The following EXOC3L2 variants were observed in gnomAD, a reference collection of about 807,000 sequenced individuals.
EXOC3L2 encodes exocyst complex component 3 like 2, also known as exocyst complex component 3-like protein 2.
In EXOC3L2, 17 loss-of-function variants were observed where a neutral mutation model predicts 44.4. That is an observed-to-expected ratio of 0.38 (90% CI 0.26 to 0.57). The LOEUF (loss-of-function observed/expected upper bound fraction) is 0.57. EXOC3L2 is among the 20% of genes least tolerant of loss of function. The probability of loss-of-function intolerance (pLI) is 0.65; values close to 1 mark genes in which losing one functional copy is unlikely to be tolerated. For missense variants in EXOC3L2, 541 were observed against 588.4 expected, an observed-to-expected ratio of 0.92 and a Z score of 0.83; for synonymous variants, 256 against 253.7, an observed-to-expected ratio of 1.01 and a Z score of -0.09.
chr19:45,240,285 T>TAA (rs1342584956), intron 1 of EXOC3L2, among the ~76,000 whole-genome samples: 111 of 148,744 alleles, frequency 7.5e-4, no homozygotes, highest in South Asian at 1.5e-3. Flanking sequence ...ATTAATTAAT[T>TAA]TATTTATTTA....
Position 45,216,091 on chromosome 19 carries a change from C to A in EXOC3L2, c.2102G>T (p.Arg701Leu), listed in dbSNP as rs777339452. 1.2e-6 allele frequency: 2 copies of A among 1,613,846 alleles called. No homozygotes were observed. The highest frequency in any genetic ancestry group is 1.7e-6 in the Non-Finnish European group (2 of 1,179,926). ...GTCTCACCTGATGTCTGGGTAGTCG[C>A]GCACCAACACTCCCACCTCCACCTG... ...SIQVEVGVLVRDYPDIRQKHV... is the reference protein window; with the variant it reads ...SIQVEVGVLVLDYPDIRQKHV... Residue 701 changes from arginine to leucine, a missense_variant, in exon 11 of 12, where the codon CGC becomes CTC. By Grantham distance (102) the Arg-to-Leu change is moderately radical (BLOSUM62 -2). Transcript: ENST00000413988.
At chr19:45,244,481 C>T (rs1032506046) in intron 1 of EXOC3L2, among the ~76,000 whole-genome samples, 1 of 152,280 alleles carries the variant, frequency 6.6e-6, no homozygotes, top group Middle Eastern at 3.4e-3. Context: ...CTTTCCCCTT[C>T]CTGGCTCCAA....
rs550683676 is a variant in EXOC3L2, at chr19:45,234,862, G to C, written c.524-36C>G. ...AAAGCGGGAGGTCAGCAGTGCGCGG[G>C]GGGGAGGAGGGCGATGCCGGACGCG... On this transcript the variant is annotated intron_variant, in intron 2 of 11. Transcript: ENST00000413988. The surrounding 1 kb of genome is among the most constrained non-coding windows in gnomAD (Gnocchi z 5.0). The C allele has an allele frequency of 1.5e-4, 60 of 389,734 alleles. No individual in the cohort carries two copies. Among genetic ancestry groups the C allele is most frequent in the Middle Eastern group, 1.3e-3 (2 of 1,546 alleles). The allele number at this position is 389,734 out of a possible 1,614,324, so 24.1% of individuals were successfully genotyped here.
At chr19:45,217,443 C>T in intron 10 of EXOC3L2, 85 bp downstream of exon 10, 1 of 1,409,722 alleles carries the variant, frequency 7.1e-7, no homozygotes, top group Non-Finnish European at 9.3e-7. Flanking sequence ...TGCCCCTCTC[C>T]CCCTGGCTTT....
At chr19:45,242,861 CAAAAA>C (rs56175442) in intron 1 of EXOC3L2, among the ~76,000 whole-genome samples, 38 of 85,590 alleles carry the variant, frequency 4.4e-4, no homozygotes, top group South Asian at 1.2e-3. Flanking sequence ...AACTCCATCT[CAAAAA>C]AAAAAAAAAA....
intron 10 of EXOC3L2, 90 bp downstream of exon 10, chr19:45,217,438 C>T (rs1052753752): frequency 9.3e-6 from 13 of 1,398,558 alleles, no homozygotes; most frequent in African/African-American, 1.5e-5. Context: ...AGCTCTGCCC[C>T]TCTCCCCCTG....
rs1199777361 is a variant in EXOC3L2 at position 45,238,996 on chromosome 19, G to A, written c.50C>T (p.Ala17Val). 1.3e-5 allele frequency: 5 copies of A among 398,966 alleles called. No individual in the cohort carries two copies. The highest frequency in any genetic ancestry group is 2.2e-5 in the Non-Finnish European group (5 of 226,128). 24.7% of individuals were successfully genotyped at this position (398,966 alleles called of 1,614,324 possible). Reference protein sequence around the residue: ...LGVSDPKVPRAGTLPLRSSRN... With the variant: ...LGVSDPKVPRVGTLPLRSSRN... ...AGAGGACCTCAGGGGCAGGGTCCCCGCCCGGGGCACCTTAGGGTCTGACAC... is the reference window on the plus strand; with the variant it reads ...AGAGGACCTCAGGGGCAGGGTCCCCACCCGGGGCACCTTAGGGTCTGACAC... Residue 17 changes from alanine to valine, a missense_variant, in exon 2 of 12, where the codon GCG becomes GTG. By Grantham distance (64) the Ala-to-Val change is moderately conservative. Coordinates refer to ENST00000413988, the MANE Select transcript of EXOC3L2 (RefSeq NM_001382422.1). The surrounding 1 kb of genome is among the most constrained non-coding windows in gnomAD (Gnocchi z 5.5).
rs1052839336 is a variant in EXOC3L2 at position 45,234,365 on chromosome 19, C to T, written c.985G>A (p.Val329Met). ...GCGGGCGCCAGGCGGCCCCGCACCACGGCCATATCCTCCAGCAGCCGCGCC... is the reference window on the plus strand; with the variant it reads ...GCGGGCGCCAGGCGGCCCCGCACCATGGCCATATCCTCCAGCAGCCGCGCC... ...LRARLLEDMA[V>M]VRGRLAPAYP... The change falls in exon 3 of 12, where the codon GTG becomes ATG. Residue 329 changes from valine (V) to methionine (M), a missense_variant. Physicochemically the swap from Val to Met is conservative, Grantham distance 21. Transcript: ENST00000413988. The surrounding 1 kb of genome is among the most constrained non-coding windows in gnomAD (Gnocchi z 5.0). The T allele has an allele frequency of 2.0e-4, 69 of 348,804 alleles. No individual in the cohort carries two copies. The highest frequency in any genetic ancestry group is 1.4e-3 in the African/African-American group (65 of 46,446). 21.6% of individuals were successfully genotyped at this position (348,804 alleles called of 1,614,324 possible). A position where few individuals can be genotyped will look rare whatever the true frequency, so the allele number is the denominator to read the frequency against.
chr19:45,241,919 C>A (rs532269991), intron 1 of EXOC3L2, among the ~76,000 whole-genome samples: 2 of 152,324 alleles, frequency 1.3e-5, no homozygotes, highest in East Asian at 3.9e-4. Context: ...TCAGTCACCA[C>A]TGTGTCCCCA....
At position 45,238,670 on chromosome 19, in the gene EXOC3L2, C is replaced by T. The variant is rs1970104185; in HGVS notation, c.376G>A (p.Ala126Thr). 1.3e-5 allele frequency: 5 copies of T among 399,064 alleles called. No individual in the cohort carries two copies. The highest frequency in any genetic ancestry group is 6.2e-5 in the African/African-American group (3 of 48,634). The allele number at this position is 399,064 out of a possible 1,614,324, so 24.7% of individuals were successfully genotyped here. The change falls in exon 2 of 12, where the codon GCC (alanine) becomes ACC (threonine). Residue 126 changes from alanine to threonine, a missense_variant. Ala to Thr is a moderately conservative substitution (Grantham distance 58). Transcript: ENST00000413988. This position sits in a 1 kb window ranked among gnomAD's most constrained non-coding sequence, Gnocchi z 5.5. ...HGDEEAAGEA[A>T]RRLAFLRLGR... is the part of the protein sequence containing the mutation. ...AGTCTCAGGAAGGCCAGTCTCCGGG[C>T]GGCCTCCCCCGCTGCCTCCTCGTCG...
intron 1 of EXOC3L2, among the ~76,000 whole-genome samples, chr19:45,239,758 G>A (rs1055962714): frequency 3.9e-5 from 6 of 151,964 alleles, no homozygotes; most frequent in African/African-American, 7.3e-5. Context: ...TGACTCAGGC[G>A]ATCCACCTAC....
intron 4 of EXOC3L2, among the ~76,000 whole-genome samples, chr19:45,228,849 A>G (rs949995255): frequency 6.6e-5 from 10 of 151,438 alleles, no homozygotes; most frequent in Admixed American, 5.9e-4. Flanking sequence ...AGGCGGGTGG[A>G]TCACGAGGTC....
chr19:45,218,864 G>A (rs374323615), intron 8 of EXOC3L2, among the ~76,000 whole-genome samples: 8 of 152,248 alleles, frequency 5.3e-5, no homozygotes, highest in African/African-American at 1.7e-4. Context: ...TTGGTAGGCC[G>A]AGGCAGGAGG....
chr19:45,216,268 TTA>T, intron 10 of EXOC3L2, 74 bp from the exon 11 acceptor site: 1 of 1,554,874 alleles, frequency 6.4e-7, no homozygotes, highest in Non-Finnish European at 8.7e-7. Context: ...TCCTGGCTTG[TTA>T]TACCATCTCT....
chr19:45,239,666 G>A (rs911535828), intron 1 of EXOC3L2, among the ~76,000 whole-genome samples: 12 of 152,020 alleles, frequency 7.9e-5, no homozygotes, highest in East Asian at 1.9e-4. Flanking sequence ...GACTACAGGC[G>A]CGCGCCACCA....
chr19:45,241,794 C>CCA (rs137991431), intron 1 of EXOC3L2, among the ~76,000 whole-genome samples: 30,643 of 152,106 alleles, frequency 0.2, 3,610 homozygotes, highest in South Asian at 0.29. Context: ...CCTCAGGCTC[C>CCA]CAGTCCCTGG....
Position 45,238,889 on chromosome 19 carries a change from G to A in EXOC3L2, c.157C>T (p.Arg53Cys), listed in dbSNP as rs974041317. Reference protein sequence around the residue: ...LGSLPNGTSCRRRATLEKLAG... With the variant: ...LGSLPNGTSCCRRATLEKLAG... ...AGCTTCTCCAGGGTGGCGCGGCGGC[G>A]ACAAGATGTTCCATTGGGGAGGGAC... is the stretch of plus-strand genomic sequence containing the variant. The change falls in exon 2 of 12, where the codon CGC becomes TGC. Residue 53 changes from arginine to cysteine, a missense_variant. Coordinates refer to ENST00000413988, the MANE Select transcript of EXOC3L2 (RefSeq NM_001382422.1). This position sits in a 1 kb window ranked among gnomAD's most constrained non-coding sequence, Gnocchi z 5.5. 3.3e-5 allele frequency: 13 copies of A among 399,114 alleles called. No homozygotes were observed. The highest frequency in any genetic ancestry group is 6.2e-4 in the Middle Eastern group (1 of 1,612). The allele number at this position is 399,114 out of a possible 1,614,324, so 24.7% of individuals were successfully genotyped here. A position where few individuals can be genotyped will look rare whatever the true frequency, so the allele number is the denominator to read the frequency against.
chr19:45,242,975 T>C (rs1220932965), intron 1 of EXOC3L2, among the ~76,000 whole-genome samples: 1 of 151,978 alleles, frequency 6.6e-6, no homozygotes, highest in African/African-American at 2.4e-5. Context: ...AGAATGAATG[T>C]GCTGTTTACC....
intron 3 of EXOC3L2, among the ~76,000 whole-genome samples, chr19:45,233,784 AGAAT>A (rs1426656318): frequency 2.0e-5 from 3 of 152,210 alleles, no homozygotes; most frequent in Non-Finnish European, 4.4e-5. Context: ...TAGGTCTAGA[AGAAT>A]GAATGGTGTT....
Sources: gnomAD v4.1 joint callset for allele counts (sites outside exome capture counted in the v4.1 genomes callset) on GRCh38, gnomAD v4.1.1 for gene constraint, Gnocchi (gnomAD v3.1) non-coding constraint, MANE v1.5 for transcripts, NCBI Gene and HGNC (gene_info 2026-07-23, HGNC 2026-07-21) for gene names.